The following MBP variants were observed in gnomAD, a reference collection of about 807,000 sequenced individuals.
MBP encodes the protein myelin basic protein, also known as Golli-MBP.
MBP carries 16 observed loss-of-function variants against 35.8 expected under a neutral mutation model. The ratio of observed to expected loss-of-function variants is 0.45; its 90% CI spans 0.30 to 0.68. The LOEUF (loss-of-function observed/expected upper bound fraction) is 0.68. Ranked by LOEUF, MBP falls within the 30% of genes least tolerant of loss-of-function variation. The pLI, the probability that MBP is intolerant of heterozygous loss-of-function variation, is 0.08. For missense variants in MBP, 380 were observed against 404.7 expected (o/e 0.94, Z 0.52); for synonymous variants, 143 against 159.6 (o/e 0.90, Z 0.78).
At chr18:77,103,458 C>T (rs184178342) in intron 2 of MBP, among the ~76,000 whole-genome samples, 8 of 152,150 alleles carry the variant, frequency 5.3e-5, no homozygotes, top group African/African-American at 9.6e-5. Flanking sequence ...AAAGTACCAA[C>T]GAAATGGAAT....
chr18:77,058,522 G>C (rs1414139065), intron 3 of MBP, among the ~76,000 whole-genome samples: 1 of 152,312 alleles, frequency 6.6e-6, no homozygotes, highest in South Asian at 2.1e-4. Flanking sequence ...CTGATGCGAC[G>C]CCCACAGGGG....
rs1976013822 is a variant in MBP, at chr18:77,101,612, C to G, written c.51+3599G>C. On this transcript the variant is annotated intron_variant, in intron 2 of 8. Transcript: ENST00000355994. The surrounding 1 kb of genome is among the most constrained non-coding windows in gnomAD (Gnocchi z 4.3). ...GGCTCAACCACTTGTTACCAGGGACCTGCACCCCATATGAGTGGACTAACA... is the reference window on the plus strand; with the variant it reads ...GGCTCAACCACTTGTTACCAGGGACGTGCACCCCATATGAGTGGACTAACA... Among the ~76,000 whole-genome samples the G allele has an allele frequency of 6.6e-6, 1 of 152,180 alleles. No individual in the cohort carries two copies. The highest frequency in any genetic ancestry group is 1.5e-5 in the Non-Finnish European group (1 of 68,026).
In MBP at chr18:77,038,771, C is replaced by A. The variant is rs144334789; in HGVS notation, c.140-21503G>T. 3.3e-3 allele frequency among the ~76,000 whole-genome samples: 505 copies of A among 152,298 alleles called. 1 individual carries two copies. The highest frequency in any genetic ancestry group is 5.4e-3 in the Admixed American group (83 of 15,296). On this transcript the variant is annotated intron_variant, in intron 3 of 8. Coordinates refer to ENST00000355994, the MANE Select transcript of MBP (RefSeq NM_001025101.2). Reference sequence around the variant, plus strand: ...TATCACTTTCTTGATGCAAGAATTACTCATCAATTAATATGATGTGTGCTC... The same window carrying A: ...TATCACTTTCTTGATGCAAGAATTAATCATCAATTAATATGATGTGTGCTC...
Position 77,082,038 on chromosome 18 carries a change from G to C in MBP, c.52-15653C>G, listed in dbSNP as rs1222752905. On this transcript the variant is annotated intron_variant, in intron 2 of 8. Transcript: ENST00000355994. ...GGCTAATTTTTTTGTATTTTTAGTAGAGACGGGGTTTCACTGTGTTAGCCG... is the reference window on the plus strand; with the variant it reads ...GGCTAATTTTTTTGTATTTTTAGTACAGACGGGGTTTCACTGTGTTAGCCG... Among the ~76,000 whole-genome samples the C allele has an allele frequency of 4.6e-5, 7 of 151,158 alleles. No individual in the cohort carries two copies. In the South Asian group the frequency reaches 1.5e-3, roughly 32 times the overall value.
rs1265643532 is a variant in MBP at position 76,989,979 on chromosome 18, C to T, written c.658G>A (p.Val220Ile). ...ACAATGTTCTTGAAGAAGTGGACTACGGGGTTTTCATCTTGGGTCCGGCCG... is the reference window on the plus strand; with the variant it reads ...ACAATGTTCTTGAAGAAGTGGACTATGGGGTTTTCATCTTGGGTCCGGCCG... The part of the protein sequence containing the change: ...SHGRTQDENP[V>I]VHFFKNIVTP... The change falls in exon 5 of 9, where the codon GTA becomes ATA. Residue 220 changes from valine to isoleucine, a missense_variant. Physicochemically the swap from Val to Ile is conservative, Grantham distance 29. Coordinates refer to ENST00000355994, the MANE Select transcript of MBP (RefSeq NM_001025101.2). This position sits in a 1 kb window ranked among gnomAD's most constrained non-coding sequence, Gnocchi z 4.0. 3.7e-6 allele frequency: 6 copies of T among 1,612,280 alleles called. No homozygotes were observed. The highest frequency in any genetic ancestry group is 2.2e-5 in the East Asian group (1 of 44,868).
At chr18:77,084,465 A>ACACG (rs1975139151) in intron 2 of MBP, among the ~76,000 whole-genome samples, 1 of 149,080 alleles carries the variant, frequency 6.7e-6, no homozygotes, top group Admixed American at 6.7e-5. Flanking sequence ...ACACACACAC[A>ACACG]CACACACTTC....
At chr18:77,045,058 G>A (rs1973180516) in intron 3 of MBP, among the ~76,000 whole-genome samples, 1 of 152,044 alleles carries the variant, frequency 6.6e-6, no homozygotes, top group African/African-American at 2.4e-5. Flanking sequence ...CTTGATGTAT[G>A]ATGATGGAGG....
In MBP at chr18:77,102,450, A is replaced by C. The variant is rs1474950097; in HGVS notation, c.51+2761T>G. On this transcript the variant is annotated intron_variant, in intron 2 of 8. Coordinates refer to ENST00000355994, the MANE Select transcript of MBP (RefSeq NM_001025101.2). This position sits in a 1 kb window ranked among gnomAD's most constrained non-coding sequence, Gnocchi z 4.4. ...CTATGCAGCATCACAGAACATGTAC[A>C]TGTACTTGGAAGGGCACAAAATATT... 1.3e-5 allele frequency among the ~76,000 whole-genome samples: 2 copies of C among 152,204 alleles called. No individual in the cohort carries two copies. Among genetic ancestry groups the C allele is most frequent in the Admixed American group, 6.5e-5 (1 of 15,276 alleles).
At chr18:77,058,359 C>G (rs897621159) in intron 3 of MBP, among the ~76,000 whole-genome samples, 12 of 152,310 alleles carry the variant, frequency 7.9e-5, no homozygotes, top group Admixed American at 2.0e-4. Flanking sequence ...GGAGGCCAAA[C>G]CTGGAGAACC....
intron 3 of MBP, among the ~76,000 whole-genome samples, chr18:77,049,825 G>A (rs1412816231): frequency 6.6e-6 from 1 of 152,062 alleles, no homozygotes; most frequent in African/African-American, 2.4e-5. Context: ...GACTACAGGT[G>A]TCCATCACGA....
At chr18:77,061,641 G>T (rs1202275574) in intron 3 of MBP, among the ~76,000 whole-genome samples, 1 of 152,160 alleles carries the variant, frequency 6.6e-6, no homozygotes, top group Admixed American at 6.5e-5. Flanking sequence ...GAAACGGGCG[G>T]CTCCCTGCAG....
At chr18:77,056,033 C>G (rs1187838241) in intron 3 of MBP, among the ~76,000 whole-genome samples, 5 of 152,260 alleles carry the variant, frequency 3.3e-5, no homozygotes, top group African/African-American at 1.2e-4. Flanking sequence ...GTGCTGCGCT[C>G]CACTGACCGT....
chr18:76,999,137 C>A (rs1472678007), intron 4 of MBP, among the ~76,000 whole-genome samples: 3 of 151,822 alleles, frequency 2.0e-5, no homozygotes, highest in Non-Finnish European at 2.9e-5. Flanking sequence ...GGAGAAGATG[C>A]TAGGCCTTAA....
chr18:77,061,792 C>G (rs969579809), intron 3 of MBP, among the ~76,000 whole-genome samples: 2 of 152,184 alleles, frequency 1.3e-5, no homozygotes, highest in African/African-American at 4.8e-5. Flanking sequence ...AGAGTGAAAA[C>G]ACGCACACAC....
At chr18:77,024,184 A>G (rs1972106566) in intron 3 of MBP, among the ~76,000 whole-genome samples, 1 of 152,262 alleles carries the variant, frequency 6.6e-6, no homozygotes, top group Non-Finnish European at 1.5e-5. Context: ...CATGCAGCCC[A>G]GGATGCCTTT....
chr18:76,990,492 G>A (rs893132991), intron 4 of MBP, among the ~76,000 whole-genome samples: 1 of 152,128 alleles, frequency 6.6e-6, no homozygotes, highest in Non-Finnish European at 1.5e-5. Context: ...GAGGGATGAG[G>A]GATTTGATCA....
chr18:77,039,957 C>T (rs566431652), intron 3 of MBP, among the ~76,000 whole-genome samples: 2 of 152,302 alleles, frequency 1.3e-5, no homozygotes, highest in South Asian at 4.1e-4. Flanking sequence ...CATGACTCTA[C>T]AGCATGACTG....
rs574453293 is a variant in MBP, at chr18:77,008,904, G to A, written c.576+7928C>T. Among the ~76,000 whole-genome samples, 29 of 152,360 alleles carry A rather than the reference G, an allele frequency of 1.9e-4. 2 individuals are homozygous for A. In the South Asian group the frequency reaches 5.4e-3, roughly 28 times the overall value. On this transcript the variant is annotated intron_variant, in intron 4 of 8. Transcript: ENST00000355994. ...CCCCCGTGCTCCTGTGCTCCTTGCTGAGTGTAAATGGTCCCCCCTTGCCGG... is the reference window on the plus strand; with the variant it reads ...CCCCCGTGCTCCTGTGCTCCTTGCTAAGTGTAAATGGTCCCCCCTTGCCGG...
At chr18:77,045,950 C>T (rs1973233868) in intron 3 of MBP, among the ~76,000 whole-genome samples, 1 of 152,186 alleles carries the variant, frequency 6.6e-6, no homozygotes, top group Non-Finnish European at 1.5e-5. Flanking sequence ...AGCTACAAGA[C>T]TGTGGCCCAG....
Sources: gnomAD v4.1 joint callset for allele counts (sites outside exome capture counted in the v4.1 genomes callset) on GRCh38, gnomAD v4.1.1 for gene constraint, Gnocchi (gnomAD v3.1) non-coding constraint, MANE v1.5 for transcripts, NCBI Gene and HGNC (gene_info 2026-07-23, HGNC 2026-07-21) for gene names.